Variants in NRXN1 observed in about 807,000 individuals in gnomAD.
The protein encoded by NRXN1 is neurexin-1.
NRXN1 carries 39 observed loss-of-function variants against 150.9 expected under a neutral mutation model. The ratio of observed to expected loss-of-function variants is 0.26; its 90% CI spans 0.20 to 0.34. The LOEUF (loss-of-function observed/expected upper bound fraction) is 0.34, where lower values mean the gene tolerates loss of function less well. NRXN1 is among the 10% of genes least tolerant of loss of function. The pLI is 1.00. For missense variants in NRXN1, 1,815 were observed against 1,949.9 expected (o/e 0.93, Z 1.30); for synonymous variants, 924 against 757.0 (o/e 1.22, Z -3.62).
chr2:50,985,639 G>A (rs2104932109), intron 2 of NRXN1, among the ~76,000 whole-genome samples: 1 of 151,736 alleles, frequency 6.6e-6, no homozygotes, highest in South Asian at 2.1e-4. Flanking sequence ...AGATAATGGA[G>A]AATGAGAAAT....
At chr2:50,364,472 A>G (rs2079445320) in intron 17 of NRXN1, among the ~76,000 whole-genome samples, 1 of 152,132 alleles carries the variant, frequency 6.6e-6, no homozygotes. Flanking sequence ...TTACAGTAGC[A>G]TATAAAACAG....
chr2:50,490,544 T>C (rs1205620729), intron 15 of NRXN1, among the ~76,000 whole-genome samples: 2 of 151,986 alleles, frequency 1.3e-5, no homozygotes, highest in African/African-American at 2.4e-5. Flanking sequence ...CTGGGGGGAA[T>C]TGGAAAGTGA....
intron 21 of NRXN1, among the ~76,000 whole-genome samples, chr2:49,947,171 A>G (rs1407371890): frequency 6.6e-6 from 1 of 152,042 alleles, no homozygotes; most frequent in Non-Finnish European, 1.5e-5. Flanking sequence ...TTTATTCTCA[A>G]TTTCAAATTA....
chr2:50,813,205 A>G (rs1215539966), intron 5 of NRXN1, among the ~76,000 whole-genome samples: 1 of 151,938 alleles, frequency 6.6e-6, no homozygotes, highest in Non-Finnish European at 1.5e-5. Context: ...AAAAAAAAAG[A>G]TATTAATGGC....
intron 21 of NRXN1, among the ~76,000 whole-genome samples, chr2:49,944,184 C>T (rs1410685639): frequency 2.6e-5 from 4 of 152,122 alleles, no homozygotes; most frequent in Admixed American, 6.5e-5. Flanking sequence ...TGCTTGGCTT[C>T]CTAAAAGCAG....
At chr2:50,229,866 T>A (rs1185009110) in intron 18 of NRXN1, among the ~76,000 whole-genome samples, 3 of 152,048 alleles carry the variant, frequency 2.0e-5, no homozygotes, top group Non-Finnish European at 2.9e-5. Context: ...TAGTCAGTAG[T>A]CAGAAAGAAT....
At chr2:50,885,625 T>A (rs998665947) in intron 5 of NRXN1, among the ~76,000 whole-genome samples, 1 of 151,456 alleles carries the variant, frequency 6.6e-6, no homozygotes, top group Non-Finnish European at 1.5e-5. Flanking sequence ...CCAGGAGATA[T>A]GAAGTCATAC....
At chr2:50,737,028 T>C (rs1042827189) in intron 5 of NRXN1, among the ~76,000 whole-genome samples, 2 of 151,434 alleles carry the variant, frequency 1.3e-5, no homozygotes, top group African/African-American at 2.4e-5. Context: ...GAGGCTGAGG[T>C]GGGTGGGTCA....
intron 15 of NRXN1, 119 bp from the exon 16 acceptor site, chr2:50,472,590 A>C: frequency 1.4e-6 from 1 of 722,782 alleles, no homozygotes. Flanking sequence ...AAATTAATTT[A>C]TGACTAGCTG....
intron 19 of NRXN1, among the ~76,000 whole-genome samples, chr2:50,070,166 A>G (rs1352237300): frequency 6.6e-6 from 1 of 152,004 alleles, no homozygotes; most frequent in East Asian, 1.9e-4. Flanking sequence ...TCAGTTTTAT[A>G]CAGAGTAGTT....
chr2:50,587,821 A>G (rs1419092157), intron 8 of NRXN1, among the ~76,000 whole-genome samples: 1 of 152,188 alleles, frequency 6.6e-6, no homozygotes, highest in Non-Finnish European at 1.5e-5. Flanking sequence ...AAAAGCTTGA[A>G]GAATCAATGT....
At chr2:50,823,949 C>T (rs1308133338) in intron 5 of NRXN1, among the ~76,000 whole-genome samples, 1 of 152,150 alleles carries the variant, frequency 6.6e-6, no homozygotes, top group Non-Finnish European at 1.5e-5. Flanking sequence ...CACTACCCAA[C>T]ATCTATGGTA....
intron 5 of NRXN1, among the ~76,000 whole-genome samples, chr2:50,848,331 G>T (rs1267015175): frequency 1.3e-5 from 2 of 152,122 alleles, no homozygotes; most frequent in African/African-American, 4.8e-5. Flanking sequence ...CAAGTTGCTG[G>T]CACTCTCTGC....
chr2:50,341,736 T>C (rs1016811483), intron 17 of NRXN1, among the ~76,000 whole-genome samples: 7 of 152,162 alleles, frequency 4.6e-5, no homozygotes, highest in Non-Finnish European at 1.5e-5. Context: ...TTAGAAAAAA[T>C]ATATGCAGCA....
intron 5 of NRXN1, among the ~76,000 whole-genome samples, chr2:50,634,870 G>C (rs757884449): frequency 6.6e-6 from 1 of 152,064 alleles, no homozygotes; most frequent in African/African-American, 2.4e-5. Context: ...CACCCTTACT[G>C]ACCTCTGCTG....
chr2:50,587,451 C>CTATA (rs1367942892), intron 8 of NRXN1, among the ~76,000 whole-genome samples: 1 of 140,696 alleles, frequency 7.1e-6, no homozygotes, highest in East Asian at 2.1e-4. Flanking sequence ...GGTCACTGCA[C>CTATA]TATAGCCTGG....
chr2:50,066,687 A>G (rs932717931), intron 19 of NRXN1, among the ~76,000 whole-genome samples: 4 of 152,178 alleles, frequency 2.6e-5, no homozygotes, highest in Non-Finnish European at 5.9e-5. Context: ...TTAAATATTC[A>G]TGTCACGAAC....
chr2:50,683,797 G>A (rs1440773329), intron 5 of NRXN1, among the ~76,000 whole-genome samples: 1 of 150,104 alleles, frequency 6.7e-6, no homozygotes, highest in Non-Finnish European at 1.5e-5. Context: ...TGTTCACAAT[G>A]ATGGCTTTGG....
chr2:50,286,808 T>C (rs765080568), intron 17 of NRXN1, among the ~76,000 whole-genome samples: 14 of 152,124 alleles, frequency 9.2e-5, no homozygotes, highest in Non-Finnish European at 1.6e-4. Flanking sequence ...GAATAAGCAT[T>C]AAGATAAAAT....
Sources: gnomAD v4.1 joint callset for allele counts (sites outside exome capture counted in the v4.1 genomes callset) on GRCh38, gnomAD v4.1.1 for gene constraint, MANE v1.5 for transcripts, NCBI Gene and HGNC (gene_info 2026-07-23, HGNC 2026-07-21) for gene names.